GPC5: variants seen among roughly 807,000 people sequenced by gnomAD.
The protein encoded by GPC5 is glypican-5.
A neutral mutation model predicts 53.9 loss-of-function variants in GPC5; 47 were observed. The observed-to-expected ratio is 0.87, with a 90% confidence interval of 0.69 to 1.11. The LOEUF (loss-of-function observed/expected upper bound fraction) is 1.11, where lower values mean the gene tolerates loss of function less well. GPC5 is among the 50% of genes most tolerant of loss of function. GPC5 has a pLI of 0.00. For missense variants in GPC5, 748 were observed against 713.1 expected (o/e 1.05, Z -0.56); for synonymous variants, 286 against 263.3 (o/e 1.09, Z -0.84).
intron 7 of GPC5, among the ~76,000 whole-genome samples, chr13:92,733,861 A>T (rs927249891): frequency 6.6e-6 from 1 of 151,814 alleles, no homozygotes; most frequent in Non-Finnish European, 1.5e-5. Flanking sequence ...TTCTTTTAAA[A>T]TATGTCTCTA....
chr13:92,058,749 G>A (rs2041097032), intron 6 of GPC5, among the ~76,000 whole-genome samples: 1 of 152,038 alleles, frequency 6.6e-6, no homozygotes, highest in South Asian at 2.1e-4. Flanking sequence ...TTGCCAGGTT[G>A]CCCAAGCTGG....
intron 2 of GPC5, among the ~76,000 whole-genome samples, chr13:91,499,097 G>A (rs1884476776): frequency 6.6e-6 from 1 of 152,178 alleles, no homozygotes; most frequent in Non-Finnish European, 1.5e-5. Context: ...AGTTTTTGGA[G>A]GTAGAGTTGG....
intron 2 of GPC5, among the ~76,000 whole-genome samples, chr13:91,451,078 G>C (rs1349782456): frequency 1.3e-5 from 2 of 152,086 alleles, no homozygotes; most frequent in African/African-American, 4.8e-5. Flanking sequence ...TAAAATATCT[G>C]AAAACAATAT....
intron 7 of GPC5, among the ~76,000 whole-genome samples, chr13:92,750,588 A>G (rs889814064): frequency 5.9e-5 from 9 of 152,214 alleles, no homozygotes; most frequent in African/African-American, 1.7e-4. Flanking sequence ...CTTATGAATT[A>G]TCTCCCGTCT....
intron 7 of GPC5, among the ~76,000 whole-genome samples, chr13:92,549,922 A>AG (rs1566288685): frequency 9.2e-6 from 1 of 109,238 alleles, no homozygotes; most frequent in Admixed American, 8.3e-5. Flanking sequence ...CACACACACA[A>AG]TTCTTTTTTG....
At chr13:92,694,419 C>A (rs972712271) in intron 7 of GPC5, among the ~76,000 whole-genome samples, 2 of 152,162 alleles carry the variant, frequency 1.3e-5, no homozygotes, top group East Asian at 1.9e-4. Flanking sequence ...TGCAGAGCCA[C>A]AGGGGAGGAG....
intron 7 of GPC5, among the ~76,000 whole-genome samples, chr13:92,300,589 C>A (rs2043068890): frequency 6.6e-6 from 1 of 152,084 alleles, no homozygotes; most frequent in Admixed American, 6.6e-5. Context: ...AAAATAAAAT[C>A]AATAGGCAGT....
chr13:92,821,684 A>G (rs1163202454), intron 7 of GPC5, among the ~76,000 whole-genome samples: 1 of 152,190 alleles, frequency 6.6e-6, no homozygotes, highest in African/African-American at 2.4e-5. Flanking sequence ...CCACAAATGC[A>G]TATTTGTCAG....
intron 7 of GPC5, among the ~76,000 whole-genome samples, chr13:92,613,661 A>G (rs1594348760): frequency 8.0e-6 from 1 of 125,326 alleles, no homozygotes; most frequent in East Asian, 2.4e-4. Flanking sequence ...TAATATTTAT[A>G]TATTTTATTA....
chr13:91,562,538 T>C (rs1572433), intron 2 of GPC5, among the ~76,000 whole-genome samples: 67,984 of 151,780 alleles, frequency 0.45, 18,316 homozygotes, highest in East Asian at 0.71. Context: ...CACCGCAATC[T>C]CTGCGTCCCA....
intron 7 of GPC5, among the ~76,000 whole-genome samples, chr13:92,629,109 G>A (rs565108280): frequency 5.3e-5 from 8 of 152,270 alleles, no homozygotes; most frequent in Admixed American, 6.5e-5. Flanking sequence ...CAACGAGAAA[G>A]ATCCAAGGAA....
chr13:92,645,492 A>C (rs1379066232), intron 7 of GPC5, among the ~76,000 whole-genome samples: 1 of 152,216 alleles, frequency 6.6e-6, no homozygotes, highest in African/African-American at 2.4e-5. Context: ...AGCATAATGC[A>C]TTTTAAAGTA....
chr13:91,716,402 A>G (rs1198191962), intron 3 of GPC5, among the ~76,000 whole-genome samples: 1 of 152,212 alleles, frequency 6.6e-6, no homozygotes, highest in Non-Finnish European at 1.5e-5. Flanking sequence ...TTGGTTTCTC[A>G]TACCTTGACA....
Position 92,800,469 on chromosome 13 carries a change from C to T in GPC5, c.1562-65813C>T, listed in dbSNP as rs578244110. ...ATTCATAAAACATGAAAGCTCTGCC[C>T]AAACAGTAAGTGTTGCATGTTGTGG... On this transcript the variant is annotated intron_variant, in intron 7 of 7. Coordinates refer to ENST00000377067, the MANE Select transcript of GPC5 (RefSeq NM_004466.6). Among the ~76,000 whole-genome samples the T allele has an allele frequency of 5.9e-5, 9 of 151,952 alleles. No homozygotes were observed. The South Asian group carries it at 1.9e-3, about 32-fold the overall frequency.
chr13:92,121,237 G>A (rs1398039951), intron 6 of GPC5, among the ~76,000 whole-genome samples: 1 of 152,052 alleles, frequency 6.6e-6, no homozygotes, highest in Non-Finnish European at 1.5e-5. Context: ...TTCTCTACTA[G>A]TTGCTCCAGA....
chr13:92,109,193 A>G (rs1314962136), intron 6 of GPC5, among the ~76,000 whole-genome samples: 1 of 150,716 alleles, frequency 6.6e-6, no homozygotes, highest in Non-Finnish European at 1.5e-5. Flanking sequence ...CAGCCTCCTA[A>G]GTAGCTGGGA....
At chr13:92,074,772 A>T (rs1219703194) in intron 6 of GPC5, among the ~76,000 whole-genome samples, 1 of 152,156 alleles carries the variant, frequency 6.6e-6, no homozygotes, top group African/African-American at 2.4e-5. Context: ...AACCAGAATA[A>T]TAGGAGGGTA....
intron 7 of GPC5, among the ~76,000 whole-genome samples, chr13:92,646,839 T>C (rs1349752464): frequency 6.8e-6 from 1 of 148,040 alleles, no homozygotes; most frequent in African/African-American, 2.4e-5. Flanking sequence ...TATACAAGGG[T>C]GTGATTTTAT....
intron 5 of GPC5, among the ~76,000 whole-genome samples, chr13:91,805,202 G>A (rs775873227): frequency 1.3e-5 from 2 of 151,962 alleles, no homozygotes; most frequent in Non-Finnish European, 2.9e-5. Context: ...ACTCCTCCAC[G>A]GCCAACCCTC....
Sources: gnomAD v4.1 joint callset for allele counts (sites outside exome capture counted in the v4.1 genomes callset) on GRCh38, gnomAD v4.1.1 for gene constraint, MANE v1.5 for transcripts, NCBI Gene and HGNC (gene_info 2026-07-23, HGNC 2026-07-21) for gene names.